Variants in ADAM32 observed in about 807,000 individuals in gnomAD.
The protein encoded by ADAM32 is disintegrin and metalloproteinase domain-containing protein 32.
A neutral mutation model predicts 114.9 loss-of-function variants in ADAM32; 89 were observed. The observed-to-expected ratio is 0.77, with a 90% confidence interval of 0.65 to 0.92. The LOEUF (loss-of-function observed/expected upper bound fraction) is 0.92, where lower values mean the gene tolerates loss of function less well. Ranked by LOEUF, ADAM32 falls within the 40% of genes least tolerant of loss-of-function variation. The probability of loss-of-function intolerance (pLI) is 0.00; values close to 1 mark genes in which losing one functional copy is unlikely to be tolerated. For missense variants in ADAM32, 870 were observed against 932.8 expected (o/e 0.93, Z 0.88); for synonymous variants, 285 against 307.5 (o/e 0.93, Z 0.77).
chr8:39,208,789 T>A (rs1808022060), intron 11 of ADAM32, among the ~76,000 whole-genome samples: 2 of 152,190 alleles, frequency 1.3e-5, no homozygotes, highest in Non-Finnish European at 2.9e-5. Flanking sequence ...ATATGTTATT[T>A]GCTTCTTTTC....
chr8:39,200,699 A>G (rs577891545), intron 11 of ADAM32, among the ~76,000 whole-genome samples: 17 of 152,338 alleles, frequency 1.1e-4, no homozygotes, highest in Admixed American at 9.8e-4. Context: ...GTCCTTGCAC[A>G]TGCCTATGTC....
chr8:39,164,849 T>G lies in ADAM32; in HGVS notation c.666+14T>G. Reference sequence around the variant, plus strand: ...CTTGCAAATTCAGTAAGTGTTTTCCTTTTCATATTAAAATAATTGTTGTTT... The same window carrying G: ...CTTGCAAATTCAGTAAGTGTTTTCCGTTTCATATTAAAATAATTGTTGTTT... On this transcript the variant is annotated intron_variant, in intron 8 of 24. Coordinates refer to ENST00000379907, the MANE Select transcript of ADAM32 (RefSeq NM_145004.7). The G allele has an allele frequency of 1.3e-6, 2 of 1,591,930 alleles. No homozygotes were observed. Among genetic ancestry groups the G allele is most frequent in the Non-Finnish European group, 1.7e-6 (2 of 1,165,940 alleles).
At chr8:39,250,040 T>C (rs1224163673) in intron 17 of ADAM32, among the ~76,000 whole-genome samples, 1 of 152,144 alleles carries the variant, frequency 6.6e-6, no homozygotes, top group Non-Finnish European at 1.5e-5. Flanking sequence ...TTGAAAGTTA[T>C]TATGTCTAGG....
At chr8:39,168,831 G>T (rs893313519) in intron 9 of ADAM32, 1 of 152,130 alleles carries the variant, frequency 6.6e-6, no homozygotes, top group Non-Finnish European at 1.5e-5. Context: ...CACGTCAAAA[G>T]GTGTCAGTAT....
Position 39,213,682 on chromosome 8 carries a change from T to C in ADAM32, c.1233+2358T>C, listed in dbSNP as rs138908485. The stretch of plus-strand genomic sequence containing the variant: ...TTTTTTTGTGTTACAAACAATCCAA[T>C]TATACTCTTTTACTCATTTAAAAAT... On this transcript the variant is annotated intron_variant, in intron 12 of 24. Transcript: ENST00000379907. 4.4e-3 allele frequency among the ~76,000 whole-genome samples: 674 copies of C among 152,318 alleles called. 6 individuals are homozygous for C. Among genetic ancestry groups the C allele is most frequent in the African/African-American group, 0.015 (636 of 41,582 alleles).
intron 2 of ADAM32, among the ~76,000 whole-genome samples, chr8:39,122,267 G>C (rs770364752): frequency 6.6e-6 from 1 of 152,138 alleles, no homozygotes; most frequent in African/African-American, 2.4e-5. Context: ...GAATTGAATT[G>C]TGTCCCCCGC....
At chr8:39,141,175 G>A (rs1172344381) in intron 3 of ADAM32, among the ~76,000 whole-genome samples, 1 of 152,060 alleles carries the variant, frequency 6.6e-6, no homozygotes, top group African/African-American at 2.4e-5. Context: ...AAGGGATTTT[G>A]TGTCTCCATA....
At chr8:39,229,568 A>G (rs1432315101) in intron 14 of ADAM32, among the ~76,000 whole-genome samples, 1 of 152,218 alleles carries the variant, frequency 6.6e-6, no homozygotes, top group South Asian at 2.1e-4. Context: ...CAGACAAAAC[A>G]AACTTTAAAG....
At chr8:39,163,142 T>A (rs553956162) in intron 7 of ADAM32, among the ~76,000 whole-genome samples, 3 of 152,232 alleles carry the variant, frequency 2.0e-5, no homozygotes, top group Non-Finnish European at 4.4e-5. Flanking sequence ...ATACACAGTT[T>A]AATAATGGAG....
In ADAM32 at chr8:39,281,119, TTTTAA is replaced by T. The variant is rs1813394188; in HGVS notation, c.2280-12_2280-8del. ...ATAATAGATATTTAATATATATTGT[TTTTAA>T]TTTATTTTTAGATCCAAATCAGAAG... On this transcript the variant is annotated splice_polypyrimidine_tract_variant and intron_variant, in intron 22 of 24. Transcript: ENST00000379907. 4.7e-6 allele frequency: 6 copies of T among 1,274,626 alleles called. No homozygotes were observed. In the East Asian group the frequency reaches 1.9e-4, roughly 40 times the overall value. The allele number at this position is 1,274,626 out of a possible 1,614,324, so 79.0% of individuals were successfully genotyped here.
intron 9 of ADAM32, chr8:39,167,442 A>G (rs958931373): frequency 1.3e-5 from 2 of 152,142 alleles, no homozygotes; most frequent in Non-Finnish European, 1.5e-5. Flanking sequence ...TTTGGTGACT[A>G]TGGCCTTACA....
At chr8:39,187,269 C>A (rs1025907278) in intron 11 of ADAM32, among the ~76,000 whole-genome samples, 1 of 146,018 alleles carries the variant, frequency 6.8e-6, no homozygotes, top group Admixed American at 6.9e-5. Flanking sequence ...AATATGAAAG[C>A]ACTTAGTATG....
chr8:39,130,873 A>T (rs1052018600), intron 2 of ADAM32: 2 of 456,678 alleles, frequency 4.4e-6, no homozygotes, highest in Non-Finnish European at 8.8e-6. Context: ...TTGGGTTAGT[A>T]GTCAGTTAGC....
At chr8:39,162,321 C>G (rs1381936093) in intron 7 of ADAM32, among the ~76,000 whole-genome samples, 1 of 151,954 alleles carries the variant, frequency 6.6e-6, no homozygotes, top group Non-Finnish European at 1.5e-5. Context: ...TCATTCATGT[C>G]CCTACAAAGG....
intron 14 of ADAM32, among the ~76,000 whole-genome samples, chr8:39,231,672 A>G (rs1809742934): frequency 6.6e-6 from 1 of 152,176 alleles, no homozygotes; most frequent in African/African-American, 2.4e-5. Flanking sequence ...TGATTTTGTT[A>G]TAGACTTGGT....
rs200329838 is a variant in ADAM32, at chr8:39,251,351, T to TG, written c.1903-3063_1903-3062insG. ...GCCAGCATTGGCTGTTCCATCTTTTTTTATCAAAAAGATGGTCTTTTTGTT... is the reference window on the plus strand; with the variant it reads ...GCCAGCATTGGCTGTTCCATCTTTTTGTTATCAAAAAGATGGTCTTTTTGTT... On this transcript the variant is annotated intron_variant, in intron 17 of 24. Transcript: ENST00000379907. 5.0e-3 allele frequency among the ~76,000 whole-genome samples: 690 copies of TG among 137,806 alleles called. 6 individuals carry two copies. Among genetic ancestry groups the TG allele is most frequent in the African/African-American group, 0.022 (624 of 28,704 alleles). The allele number at this position is 137,806 out of a possible 152,430, so 90.4% of individuals were successfully genotyped here.
At chr8:39,275,749 G>A (rs1564737786) in intron 21 of ADAM32, 79 bp from the exon 22 acceptor site, 4 of 1,346,436 alleles carry the variant, frequency 3.0e-6, no homozygotes, top group Non-Finnish European at 3.0e-6. Context: ...GTTGTAAAAT[G>A]ATCCGACATT....
chr8:39,129,424 G>A (rs1408344284), intron 2 of ADAM32, among the ~76,000 whole-genome samples: 2 of 151,950 alleles, frequency 1.3e-5, no homozygotes, highest in African/African-American at 2.4e-5. Context: ...GTTTATTGGG[G>A]TTTTTCAAAT....
intron 18 of ADAM32, among the ~76,000 whole-genome samples, chr8:39,254,879 C>T (rs1047663458): frequency 1.3e-5 from 2 of 151,784 alleles, no homozygotes; most frequent in Non-Finnish European, 3.0e-5. Context: ...TCCTTCCCCT[C>T]AATACCCCAA....
Sources: gnomAD v4.1 joint callset for allele counts (sites outside exome capture counted in the v4.1 genomes callset) on GRCh38, gnomAD v4.1.1 for gene constraint, MANE v1.5 for transcripts, NCBI Gene and HGNC (gene_info 2026-07-23, HGNC 2026-07-21) for gene names.